Variants in SCFD2 observed in about 807,000 individuals in gnomAD.
SCFD2 encodes the protein sec1 family domain-containing protein 2.
SCFD2 carries 54 observed loss-of-function variants against 58.9 expected under a neutral mutation model. The ratio of observed to expected loss-of-function variants is 0.92; its 90% CI spans 0.74 to 1.15. The LOEUF is 1.15. Among genes scored for constraint, SCFD2 ranks in the 50% most tolerant of loss-of-function variants. The pLI is 0.00. For missense variants in SCFD2, 805 were observed against 836.6 expected, an observed-to-expected ratio of 0.96 and a Z score of 0.47; for synonymous variants, 321 against 335.9, an observed-to-expected ratio of 0.96 and a Z score of 0.49.
At chr4:52,976,644 CA>C (rs956557314) in intron 5 of SCFD2, among the ~76,000 whole-genome samples, 14 of 152,170 alleles carry the variant, frequency 9.2e-5, no homozygotes, top group African/African-American at 2.9e-4. Context: ...CGGATGTTCC[CA>C]GTGACCCAAA....
chr4:52,893,508 C>T (rs939540828), intron 7 of SCFD2, among the ~76,000 whole-genome samples: 6 of 152,194 alleles, frequency 3.9e-5, no homozygotes, highest in African/African-American at 1.4e-4. Context: ...ATCCTTTACC[C>T]CTGCTGTATA....
intron 5 of SCFD2, among the ~76,000 whole-genome samples, chr4:53,054,475 C>T (rs767196749): frequency 6.6e-6 from 1 of 151,792 alleles, no homozygotes; most frequent in Admixed American, 6.6e-5. Flanking sequence ...TAAATATTTG[C>T]GAAGTTTGAA....
intron 4 of SCFD2, among the ~76,000 whole-genome samples, chr4:53,233,203 C>A (rs1479770883): frequency 6.6e-6 from 1 of 151,910 alleles, no homozygotes; most frequent in Non-Finnish European, 1.5e-5. Flanking sequence ...TTCTTAGGAA[C>A]CTAGGTGTTT....
intron 5 of SCFD2, among the ~76,000 whole-genome samples, chr4:53,005,957 GA>G (rs1347721713): frequency 1.3e-5 from 2 of 152,176 alleles, no homozygotes; most frequent in Admixed American, 6.5e-5. Context: ...CACTCCAGGA[GA>G]AAAGAGGAAG....
At chr4:53,207,922 T>A (rs1398235222) in intron 4 of SCFD2, among the ~76,000 whole-genome samples, 1 of 150,932 alleles carries the variant, frequency 6.6e-6, no homozygotes, top group Non-Finnish European at 1.5e-5. Flanking sequence ...TAAAGATTAC[T>A]CAGTCTCAGG....
At chr4:53,087,469 G>A (rs573587849) in intron 5 of SCFD2, among the ~76,000 whole-genome samples, 2 of 152,012 alleles carry the variant, frequency 1.3e-5, no homozygotes, top group African/African-American at 2.4e-5. Context: ...AAGTAGCTGC[G>A]ATTACAGGCA....
At chr4:52,907,639 G>A in intron 6 of SCFD2, 48 bp from the exon 7 acceptor site, 1 of 1,593,682 alleles carries the variant, frequency 6.3e-7, no homozygotes, top group East Asian at 2.2e-5. Flanking sequence ...GGTTTGTCTG[G>A]AGAGAGGACA....
chr4:53,154,682 C>G (rs920913384), intron 4 of SCFD2, among the ~76,000 whole-genome samples: 1 of 152,232 alleles, frequency 6.6e-6, no homozygotes, highest in African/African-American at 2.4e-5. Flanking sequence ...TCCCTGGAAT[C>G]TGTGACTGTG....
intron 5 of SCFD2, among the ~76,000 whole-genome samples, chr4:53,066,156 T>G (rs546782256): frequency 1.3e-5 from 2 of 152,168 alleles, no homozygotes; most frequent in Admixed American, 1.3e-4. Flanking sequence ...TTCTCTAAAT[T>G]CAAGTATTAA....
In SCFD2 at chr4:53,197,191, C is replaced by G. The variant is rs1198818209; in HGVS notation, c.1312-51609G>C. The stretch of plus-strand genomic sequence containing the variant: ...CAACATTAATTCAAAAGAAAACAAA[C>G]TGAGAAACAAAAGTATGTATTATAC... On this transcript the variant is annotated intron_variant, in intron 4 of 8. Transcript: ENST00000401642. Among the ~76,000 whole-genome samples, 6 of 152,018 alleles carry G rather than the reference C, an allele frequency of 3.9e-5. No individual in the cohort carries two copies. In the East Asian group the frequency reaches 1.2e-3, roughly 29 times the overall value.
intron 4 of SCFD2, among the ~76,000 whole-genome samples, chr4:53,188,521 C>G (rs1418824562): frequency 6.7e-6 from 1 of 150,328 alleles, no homozygotes; most frequent in Non-Finnish European, 1.5e-5. Context: ...CATAAGGGAG[C>G]CAGTCTGAAT....
chr4:53,182,793 A>C (rs1050297568), intron 4 of SCFD2, among the ~76,000 whole-genome samples: 1 of 152,072 alleles, frequency 6.6e-6, no homozygotes, highest in Non-Finnish European at 1.5e-5. Context: ...CAATGAACTC[A>C]AACAAATTTA....
intron 5 of SCFD2, among the ~76,000 whole-genome samples, chr4:53,118,829 A>G (rs1725394470): frequency 6.6e-6 from 1 of 152,136 alleles, no homozygotes; most frequent in South Asian, 2.1e-4. Context: ...CTTATAATCT[A>G]CAAGGCATCT....
At chr4:53,131,059 A>C (rs1725773443) in intron 5 of SCFD2, among the ~76,000 whole-genome samples, 1 of 152,230 alleles carries the variant, frequency 6.6e-6, no homozygotes, top group African/African-American at 2.4e-5. Context: ...GTAATGATCC[A>C]AGTGCTCTGA....
At chr4:53,049,245 G>A (rs1723123755) in intron 5 of SCFD2, among the ~76,000 whole-genome samples, 1 of 152,246 alleles carries the variant, frequency 6.6e-6, no homozygotes, top group South Asian at 2.1e-4. Flanking sequence ...TGTCTGCCCA[G>A]CCTTGCCATT....
chr4:53,094,626 ACT>A (rs1724565111), intron 5 of SCFD2, among the ~76,000 whole-genome samples: 1 of 151,918 alleles, frequency 6.6e-6, no homozygotes, highest in African/African-American at 2.4e-5. Context: ...AGTATTGGCA[ACT>A]CTGCTCTTTT....
At chr4:53,262,683 A>G (rs903869199) in intron 4 of SCFD2, among the ~76,000 whole-genome samples, 5 of 152,168 alleles carry the variant, frequency 3.3e-5, no homozygotes, top group African/African-American at 1.2e-4. Flanking sequence ...AGCTCTCAAG[A>G]TTCTTTCCTT....
chr4:53,205,705 C>CA (rs745602931), intron 4 of SCFD2, among the ~76,000 whole-genome samples: 68 of 151,640 alleles, frequency 4.5e-4, no homozygotes, highest in Non-Finnish European at 7.7e-4. Context: ...TAAAAAAATA[C>CA]AAAAAAATTA....
At chr4:53,328,769 G>A (rs1455800598) in intron 2 of SCFD2, among the ~76,000 whole-genome samples, 11 of 152,140 alleles carry the variant, frequency 7.2e-5, no homozygotes, top group Admixed American at 2.0e-4. Context: ...GAACAGCTCC[G>A]GTCTACAGCT....
Sources: allele counts gnomAD v4.1 joint callset (sites outside exome capture counted in the v4.1 genomes callset), GRCh38; gene constraint gnomAD v4.1.1; transcripts MANE v1.5; gene names NCBI Gene and HGNC (gene_info 2026-07-23, HGNC 2026-07-21).